CRYL1: variants seen among roughly 807,000 people sequenced by gnomAD.
The protein encoded by CRYL1 is lambda-crystallin homolog.
Under a neutral mutation model 36.6 loss-of-function variants are expected in CRYL1, and 29 were observed. That is an observed-to-expected ratio of 0.79 (90% CI 0.59 to 1.08). The LOEUF is 1.08. Ranked by LOEUF, CRYL1 falls within the 50% of genes least tolerant of loss-of-function variation. The pLI is 0.00. For synonymous variants in CRYL1, 152 were observed against 151.5 expected, an observed-to-expected ratio of 1.00 and a Z score of -0.02; for missense variants, 411 against 407.9, an observed-to-expected ratio of 1.01 and a Z score of -0.06.
chr13:20,495,309 A>C (rs921405398), intron 2 of CRYL1, among the ~76,000 whole-genome samples: 1 of 152,266 alleles, frequency 6.6e-6, no homozygotes, highest in Non-Finnish European at 1.5e-5. Context: ...TGCCAGTTCT[A>C]CCTCTAGAGG....
chr13:20,431,357 G>C, intron 5 of CRYL1: 1 of 985,400 alleles, frequency 1.0e-6, no homozygotes, highest in Non-Finnish European at 1.2e-6. Flanking sequence ...CTTCCACAAT[G>C]TTTTTGCAAC....
intron 2 of CRYL1, among the ~76,000 whole-genome samples, chr13:20,490,287 G>C (rs1322969826): frequency 2.0e-5 from 3 of 152,170 alleles, no homozygotes; most frequent in Non-Finnish European, 4.4e-5. Flanking sequence ...AGCTACTCAG[G>C]AGGCTGAGGC....
chr13:20,508,654 G>C (rs1181153153), intron 2 of CRYL1, among the ~76,000 whole-genome samples: 2 of 151,246 alleles, frequency 1.3e-5, no homozygotes, highest in Non-Finnish European at 2.9e-5. Flanking sequence ...AGACCATCCT[G>C]GCTAACACAG....
At chr13:20,447,410 GCT>G (rs1286457898) in intron 3 of CRYL1, among the ~76,000 whole-genome samples, 1 of 152,140 alleles carries the variant, frequency 6.6e-6, no homozygotes, top group Non-Finnish European at 1.5e-5. Flanking sequence ...AAAAGATGCT[GCT>G]CCCCCTCGCC....
At chr13:20,438,824 G>C (rs1173826304) in intron 4 of CRYL1, among the ~76,000 whole-genome samples, 3 of 152,148 alleles carry the variant, frequency 2.0e-5, no homozygotes, top group Non-Finnish European at 4.4e-5. Flanking sequence ...AGGCAGTCCT[G>C]GTCCTCCAAG....
chr13:20,443,157 G>C (rs1357938203), intron 3 of CRYL1, among the ~76,000 whole-genome samples: 2 of 152,154 alleles, frequency 1.3e-5, no homozygotes, highest in Non-Finnish European at 2.9e-5. Flanking sequence ...AGTTACCTGT[G>C]TGGTTAATTC....
intron 6 of CRYL1, among the ~76,000 whole-genome samples, chr13:20,408,772 C>T (rs1281499384): frequency 6.6e-6 from 1 of 151,886 alleles, no homozygotes; most frequent in Non-Finnish European, 1.5e-5. Flanking sequence ...GAATAAAATA[C>T]CTAGGAATCC....
intron 2 of CRYL1, among the ~76,000 whole-genome samples, chr13:20,508,679 T>A (rs556917378): frequency 6.6e-6 from 1 of 151,040 alleles, no homozygotes; most frequent in East Asian, 2.0e-4. Context: ...ACCCCGTCTC[T>A]GCTAAAAATA....
intron 4 of CRYL1, among the ~76,000 whole-genome samples, chr13:20,433,163 AC>A: frequency 6.6e-6 from 1 of 152,136 alleles, no homozygotes; most frequent in Non-Finnish European, 1.5e-5. Flanking sequence ...CAGCCCCAGC[AC>A]CCCGACGAGC....
At chr13:20,486,718 C>T (rs2033407637) in intron 3 of CRYL1, among the ~76,000 whole-genome samples, 1 of 152,134 alleles carries the variant, frequency 6.6e-6, no homozygotes, top group South Asian at 2.1e-4. Flanking sequence ...CATGTCATGC[C>T]TTGTAAATAC....
At chr13:20,467,948 G>A (rs1294485554) in intron 3 of CRYL1, among the ~76,000 whole-genome samples, 5 of 152,138 alleles carry the variant, frequency 3.3e-5, no homozygotes, top group African/African-American at 7.2e-5. Context: ...TCACAGGAGC[G>A]CAAACCCTGT....
At chr13:20,516,644 T>C (rs534900085) in intron 1 of CRYL1, among the ~76,000 whole-genome samples, 102 of 152,002 alleles carry the variant, frequency 6.7e-4, no homozygotes, top group African/African-American at 2.4e-3. Context: ...CACGCCTGGC[T>C]AATTTTTTGT....
intron 2 of CRYL1, among the ~76,000 whole-genome samples, chr13:20,491,314 T>C (rs2033508192): frequency 6.6e-6 from 1 of 152,132 alleles, no homozygotes; most frequent in South Asian, 2.1e-4. Context: ...TATCTTAAAA[T>C]AGGGCCATAA....
intron 3 of CRYL1, among the ~76,000 whole-genome samples, chr13:20,446,151 G>A (rs563213562): frequency 3.2e-4 from 49 of 151,758 alleles, no homozygotes; most frequent in African/African-American, 1.0e-3. Context: ...CTGCCCTGTC[G>A]CCCAGGCTGG....
intron 3 of CRYL1, among the ~76,000 whole-genome samples, chr13:20,466,898 T>C (rs1313485468): frequency 6.6e-6 from 1 of 152,146 alleles, no homozygotes. Flanking sequence ...TTAATATTTG[T>C]ATGAAACACA....
chr13:20,474,686 C>T (rs1008468328), intron 3 of CRYL1, among the ~76,000 whole-genome samples: 2 of 152,168 alleles, frequency 1.3e-5, no homozygotes, highest in African/African-American at 2.4e-5. Context: ...AAGCTGCTCA[C>T]ACTCAGAGTG....
chr13:20,406,128 C>T (rs1039560449), intron 6 of CRYL1: 1 of 152,184 alleles, frequency 6.6e-6, no homozygotes, highest in East Asian at 1.9e-4. Flanking sequence ...GGTCAGTCCG[C>T]CTACAAAGGT....
chr13:20,476,688 C>T (rs1409756551), intron 3 of CRYL1, among the ~76,000 whole-genome samples: 1 of 152,218 alleles, frequency 6.6e-6, no homozygotes, highest in Non-Finnish European at 1.5e-5. Flanking sequence ...TTTTCATTAA[C>T]ATGAAGCTCC....
chr13:20,457,786 C>T (rs1004559333), intron 3 of CRYL1, among the ~76,000 whole-genome samples: 1 of 152,200 alleles, frequency 6.6e-6, no homozygotes, highest in Non-Finnish European at 1.5e-5. Flanking sequence ...CCAGGCCCTG[C>T]TCCAAGTGCT....
Sources: gnomAD v4.1 joint callset for allele counts (sites outside exome capture counted in the v4.1 genomes callset) on GRCh38, gnomAD v4.1.1 for gene constraint, MANE v1.5 for transcripts, NCBI Gene and HGNC (gene_info 2026-07-23, HGNC 2026-07-21) for gene names.